Variants in ANKRD12 observed in about 807,000 individuals in gnomAD.
ANKRD12 encodes ankyrin repeat domain 12, also known as ankyrin repeat domain-containing protein 12.
Under a neutral mutation model 183.4 loss-of-function variants are expected in ANKRD12, and 85 were observed. That is an observed-to-expected ratio of 0.46 (90% CI 0.39 to 0.56). The LOEUF is 0.56. Among genes scored for constraint, ANKRD12 ranks in the 20% least tolerant of loss-of-function variants. The probability of loss-of-function intolerance (pLI) is 0.00; values close to 1 mark genes in which losing one functional copy is unlikely to be tolerated. For missense variants in ANKRD12, 2,405 were observed against 2,357.1 expected, an observed-to-expected ratio of 1.02 and a Z score of -0.42; for synonymous variants, 914 against 800.2, an observed-to-expected ratio of 1.14 and a Z score of -2.40.
rs373432467 is a variant in ANKRD12, at chr18:9,277,494, A to AT, written c.5907+1833dup. On this transcript the variant is annotated intron_variant, in intron 11 of 12. Coordinates refer to ENST00000262126, the MANE Select transcript of ANKRD12 (RefSeq NM_015208.5). Reference sequence around the variant, plus strand: ...AGGCGCCCGCCACCACACCCGGCTAATTTTTTGTATTTTTAGTAGAGACGG... The same window carrying AT: ...AGGCGCCCGCCACCACACCCGGCTAATTTTTTTGTATTTTTAGTAGAGACGG... Among the ~76,000 whole-genome samples the AT allele has an allele frequency of 3.9e-3, 584 of 151,306 alleles. 3 individuals are homozygous for AT. The highest frequency in any genetic ancestry group is 0.013 in the African/African-American group (521 of 41,260).
At chr18:9,183,916 T>C (rs2033872540) in intron 2 of ANKRD12, among the ~76,000 whole-genome samples, 1 of 152,196 alleles carries the variant, frequency 6.6e-6, no homozygotes, top group South Asian at 2.1e-4. Context: ...TTTAAATATT[T>C]TTCAGTGTAC....
chr18:9,174,120 C>T (rs1235858447), intron 1 of ANKRD12, among the ~76,000 whole-genome samples: 1 of 152,326 alleles, frequency 6.6e-6, no homozygotes, highest in Non-Finnish European at 1.5e-5. Context: ...GTGAGGGACT[C>T]CTCCTCATCA....
intron 8 of ANKRD12, among the ~76,000 whole-genome samples, chr18:9,252,516 A>C (rs1293091165): frequency 6.6e-6 from 1 of 152,250 alleles, no homozygotes; most frequent in Non-Finnish European, 1.5e-5. Flanking sequence ...TAGAATTTAC[A>C]TTCTTTCCTT....
intron 1 of ANKRD12, among the ~76,000 whole-genome samples, chr18:9,148,051 A>G (rs776446310): frequency 2.6e-5 from 4 of 152,164 alleles, no homozygotes; most frequent in Non-Finnish European, 5.9e-5. Flanking sequence ...ATTAGATTCT[A>G]CTTTTCAACA....
chr18:9,256,897 T>C lies in ANKRD12; in HGVS notation c.3630T>C (p.Ala1210=). ...GATCTGTATCCATGATTTCTGTTGC[T>C]AGTTCAGAAGATTCCTGCCATACTA... The part of the protein sequence containing the change: ...SSRSVSMISV[A]SSEDSCHTTV... The change falls in exon 9 of 13, where the codon GCT becomes GCC. Residue 1210 remains alanine, a synonymous_variant. Coordinates refer to ENST00000262126, the MANE Select transcript of ANKRD12 (RefSeq NM_015208.5). 6.2e-7 allele frequency: 1 copy of C among 1,614,044 alleles called. No individual in the cohort carries two copies. Among genetic ancestry groups the C allele is most frequent in the Non-Finnish European group, 8.5e-7 (1 of 1,179,970 alleles).
chr18:9,256,779 A>C lies in ANKRD12; in HGVS notation c.3512A>C (p.Asn1171Thr). Residue 1171 changes from asparagine to threonine, a missense_variant, in exon 9 of 13, where the codon AAT becomes ACT. Coordinates refer to ENST00000262126, the MANE Select transcript of ANKRD12 (RefSeq NM_015208.5). ...SNRSQSVDTK[N>T]VMTLGKSSFV... Reference sequence around the variant, plus strand: ...AGATCACAATCTGTTGACACCAAAAATGTAATGACTTTAGGGAAGTCATCT... The same window carrying C: ...AGATCACAATCTGTTGACACCAAAACTGTAATGACTTTAGGGAAGTCATCT... 1 of 1,613,956 alleles carries C rather than the reference A, an allele frequency of 6.2e-7. No individual in the cohort carries two copies.
chr18:9,256,348 C>G lies in ANKRD12; in HGVS notation c.3081C>G (p.Tyr1027Ter). ...AAAAAGATAAAGATATAGATAGATA[C>G]AAAGAACGAGACAAACATAAAGATA... ...KDKKDKDIDRYKERDKHKDKI... is the reference protein window; with the variant it reads ...KDKKDKDIDR The change falls in exon 9 of 13, where the codon TAC becomes TAG. Residue 1027 changes from tyrosine (Y) to a stop codon, truncating the protein, a stop_gained. Transcript: ENST00000262126. LOFTEE classifies it high-confidence loss of function. 1.3e-6 allele frequency: 2 copies of G among 1,593,984 alleles called. No individual in the cohort carries two copies. Among genetic ancestry groups the G allele is most frequent in the Non-Finnish European group, 1.7e-6 (2 of 1,170,940 alleles).
chr18:9,256,430 A>G lies in ANKRD12; in HGVS notation c.3163A>G (p.Lys1055Glu), dbSNP rs747946071. 1 of 1,613,336 alleles carries G rather than the reference A, an allele frequency of 6.2e-7. No homozygotes were observed. Among genetic ancestry groups the G allele is most frequent in the South Asian group, 1.1e-5 (1 of 90,852 alleles). The change falls in exon 9 of 13, where the codon AAG (lysine) becomes GAG (glutamate). Residue 1055 changes from lysine (K) to glutamate (E), a missense_variant. Coordinates refer to ENST00000262126, the MANE Select transcript of ANKRD12 (RefSeq NM_015208.5). The stretch of plus-strand genomic sequence containing the variant: ...ATCTGAAGCAGATAAGCCTAAACCT[A>G]AGTCATCACCAGCATCAAAAGATAC... ...LKSEADKPKP[K>E]SSPASKDTRP...
intron 1 of ANKRD12, among the ~76,000 whole-genome samples, chr18:9,179,875 T>TA (rs1179678514): frequency 6.6e-6 from 1 of 152,204 alleles, no homozygotes; most frequent in Non-Finnish European, 1.5e-5. Flanking sequence ...TTAAATTTGT[T>TA]AAAGTTTGTT....
chr18:9,217,659 G>A (rs1009849664), intron 7 of ANKRD12, among the ~76,000 whole-genome samples: 1 of 152,050 alleles, frequency 6.6e-6, no homozygotes, highest in East Asian at 1.9e-4. Flanking sequence ...ACTGATTCTT[G>A]CCTACCAGTG....
intron 6 of ANKRD12, among the ~76,000 whole-genome samples, chr18:9,215,201 C>T (rs1378298906): frequency 6.6e-6 from 1 of 152,006 alleles, no homozygotes; most frequent in Non-Finnish European, 1.5e-5. Flanking sequence ...CCACAAAGGA[C>T]ATTTATTAGT....
chr18:9,206,985 ATCTTT>A (rs1486499377), intron 4 of ANKRD12, among the ~76,000 whole-genome samples: 3 of 152,100 alleles, frequency 2.0e-5, no homozygotes, highest in African/African-American at 7.2e-5. Flanking sequence ...TCTTTGAAAC[ATCTTT>A]TCTATTTTCT....
intron 8 of ANKRD12, among the ~76,000 whole-genome samples, chr18:9,230,593 T>A (rs969986697): frequency 2.0e-5 from 3 of 152,116 alleles, no homozygotes; most frequent in African/African-American, 7.2e-5. Context: ...GCTATAAACC[T>A]CTTTTTTAGC....
At position 9,173,163 on chromosome 18, in the gene ANKRD12, G is replaced by A. The variant is rs376184748; in HGVS notation, c.-51-9219G>A. ...TGGCTCACTGCAACCTCCGCCTCCC[G>A]GGTTCAAGCCATTCTCATGCCTCAG... On this transcript the variant is annotated intron_variant, in intron 1 of 12. Coordinates refer to ENST00000262126, the MANE Select transcript of ANKRD12 (RefSeq NM_015208.5). Among the ~76,000 whole-genome samples, 10 of 150,874 alleles carry A rather than the reference G, an allele frequency of 6.6e-5. No homozygotes were observed. In the South Asian group the frequency reaches 8.4e-4, roughly 13 times the overall value.
At chr18:9,244,279 ATTC>A (rs915187035) in intron 8 of ANKRD12, among the ~76,000 whole-genome samples, 9 of 152,218 alleles carry the variant, frequency 5.9e-5, no homozygotes. Flanking sequence ...TATACTTTCT[ATTC>A]TTTTTCTGGA....
In ANKRD12 at chr18:9,182,496, G is replaced by A. The variant is rs1457154804; in HGVS notation, c.64G>A (p.Val22Ile). 1.2e-6 allele frequency: 2 copies of A among 1,608,398 alleles called. No homozygotes were observed. The highest frequency in any genetic ancestry group is 1.7e-6 in the Non-Finnish European group (2 of 1,177,310). The change falls in exon 2 of 13, where the codon GTA becomes ATA. Residue 22 changes from valine to isoleucine, a missense_variant. Val to Ile is a conservative substitution (Grantham distance 29). Transcript: ENST00000262126. Reference protein sequence around the residue: ...SENSDSDSNMVEKPYGRKSKD... With the variant: ...SENSDSDSNMIEKPYGRKSKD... ...AAATTCTGACAGTGACAGCAATATG[G>A]TAGAGAAACCATATGGAAGAAAGGT...
chr18:9,215,920 CA>C (rs1456568457), intron 6 of ANKRD12, among the ~76,000 whole-genome samples: 1 of 151,752 alleles, frequency 6.6e-6, no homozygotes, highest in African/African-American at 2.4e-5. Flanking sequence ...TGAATGCTTC[CA>C]AAACAGTTTC....
chr18:9,164,696 T>C (rs539778926), intron 1 of ANKRD12, among the ~76,000 whole-genome samples: 2 of 152,294 alleles, frequency 1.3e-5, no homozygotes, highest in South Asian at 2.1e-4. Context: ...CATGTAGTTA[T>C]GTGGTTTTGA....
intron 3 of ANKRD12, among the ~76,000 whole-genome samples, chr18:9,201,490 C>T (rs2035164244): frequency 6.6e-6 from 1 of 152,162 alleles, no homozygotes. Context: ...GTTTGTCATA[C>T]CCTGAGTTAT....
Sources: allele counts gnomAD v4.1 joint callset (sites outside exome capture counted in the v4.1 genomes callset), GRCh38; gene constraint gnomAD v4.1.1; transcripts MANE v1.5; gene names NCBI Gene and HGNC (gene_info 2026-07-23, HGNC 2026-07-21).